COL4A2: variants seen among roughly 807,000 people sequenced by gnomAD.
The protein encoded by COL4A2 is collagen type IV alpha 2 chain, also known as collagen alpha-2(IV) chain.
A neutral mutation model predicts 200.2 loss-of-function variants in COL4A2; 99 were observed. The observed-to-expected ratio is 0.49, with a 90% confidence interval of 0.42 to 0.58. The LOEUF is 0.58. COL4A2 is among the 20% of genes least tolerant of loss of function. The pLI is 0.00. For missense variants in COL4A2, 1,950 were observed against 2,314.1 expected (o/e 0.84, Z 3.23); for synonymous variants, 897 against 900.6 (o/e 1.00, Z 0.07).
At chr13:110,448,255 G>A (rs141049791) in intron 18 of COL4A2, among the ~76,000 whole-genome samples, 45 of 152,258 alleles carry the variant, frequency 3.0e-4, no homozygotes, top group African/African-American at 9.9e-4. Flanking sequence ...TAATGCTGGC[G>A]ATGTTTCTTT....
chr13:110,485,604 G>A (rs1594102610), intron 33 of COL4A2, 51 bp from the exon 34 acceptor site: 1 of 1,448,504 alleles, frequency 6.9e-7, no homozygotes. Context: ...AAAACTGGAG[G>A]GCGGGTGCTG....
rs184581613 is a variant in COL4A2 at position 110,338,313 on chromosome 13, A to G, written c.100-19159A>G. ...CATTAGCTGGCAAAAAAGAGCAAAA[A>G]TGCAATGGAAAACAGTGAGGGAGAG... On this transcript the variant is annotated intron_variant, in intron 3 of 47. Transcript: ENST00000360467. Among the ~76,000 whole-genome samples, 238 of 152,220 alleles carry G rather than the reference A, an allele frequency of 1.6e-3. 3 individuals carry two copies. The Middle Eastern group carries it at 0.031, about 20-fold the overall frequency.
chr13:110,438,555 G>T (rs778704396), intron 14 of COL4A2, 63 bp from the exon 15 acceptor site: 12 of 1,591,428 alleles, frequency 7.5e-6, no homozygotes, highest in Non-Finnish European at 9.5e-6. Flanking sequence ...ATGACACGTG[G>T]GCCCTGTTGG....
intron 3 of COL4A2, among the ~76,000 whole-genome samples, chr13:110,328,701 A>G (rs552743334): frequency 6.6e-6 from 1 of 152,304 alleles, no homozygotes; most frequent in South Asian, 2.1e-4. Context: ...AAGGTGATCC[A>G]GGGGCCCAGA....
At chr13:110,336,727 C>T (rs895117194) in intron 3 of COL4A2, among the ~76,000 whole-genome samples, 42 of 152,156 alleles carry the variant, frequency 2.8e-4, no homozygotes, top group Admixed American at 2.4e-3. Flanking sequence ...GCTTCCTTCC[C>T]GAGGATGTTT....
chr13:110,409,199 A>G (rs1428954456), intron 4 of COL4A2, among the ~76,000 whole-genome samples: 2 of 152,192 alleles, frequency 1.3e-5, no homozygotes, highest in African/African-American at 2.4e-5. Context: ...ACATATACAC[A>G]TGCACACATA....
chr13:110,512,546 GGACAGACGA>G lies in COL4A2; in HGVS notation c.*360_*368del, dbSNP rs1884125400. 7.8e-6 allele frequency: 2 copies of G among 256,428 alleles called. No homozygotes were observed. Among genetic ancestry groups the G allele is most frequent in the South Asian group, 1.1e-4 (2 of 18,524 alleles). 15.9% of individuals were successfully genotyped at this position (256,428 alleles called of 1,614,324 possible). The stretch of plus-strand genomic sequence containing the variant: ...ATTGTTCAACTCCCTTCTCGGGGTG[GGACAGACGA>G]GACAACAGCACACAGGCAGCCAGCC... On this transcript the variant is annotated 3_prime_UTR_variant, in exon 48 of 48. Coordinates refer to ENST00000360467, the MANE Select transcript of COL4A2 (RefSeq NM_001846.4).
At chr13:110,320,595 A>G (rs1319800334) in intron 3 of COL4A2, among the ~76,000 whole-genome samples, 1 of 152,206 alleles carries the variant, frequency 6.6e-6, no homozygotes, top group Non-Finnish European at 1.5e-5. Flanking sequence ...ACCGATAGAT[A>G]TTTCAAATAA....
chr13:110,428,329 G>A (rs1880544080), intron 6 of COL4A2, 138 bp from the exon 7 acceptor site: 2 of 611,624 alleles, frequency 3.3e-6, no homozygotes, highest in East Asian at 6.2e-5. Context: ...TCATTCATTT[G>A]TTCACTTTTG....
intron 6 of COL4A2, among the ~76,000 whole-genome samples, chr13:110,426,602 A>G (rs769130684): frequency 1.3e-5 from 2 of 152,240 alleles, no homozygotes; most frequent in African/African-American, 4.8e-5. Flanking sequence ...GAGTGGTCTC[A>G]TATAGCAGTG....
intron 19 of COL4A2, 40 bp downstream of exon 19, chr13:110,449,829 C>T (rs371518953): frequency 2.5e-5 from 39 of 1,532,880 alleles, no homozygotes; most frequent in Non-Finnish European, 3.2e-5. Flanking sequence ...AGACCCAAAG[C>T]ACCTGCACTC....
chr13:110,396,590 T>G (rs186408663), intron 4 of COL4A2, among the ~76,000 whole-genome samples: 142 of 152,332 alleles, frequency 9.3e-4, no homozygotes, highest in Middle Eastern at 3.4e-3. Context: ...AGAACATGCC[T>G]TCTTGGCCCT....
chr13:110,342,391 A>T (rs1876497360), intron 3 of COL4A2, among the ~76,000 whole-genome samples: 1 of 152,192 alleles, frequency 6.6e-6, no homozygotes, highest in African/African-American at 2.4e-5. Flanking sequence ...TGTCTCCATA[A>T]AGAGCAATCT....
intron 4 of COL4A2, among the ~76,000 whole-genome samples, chr13:110,387,963 T>C (rs1878828171): frequency 6.6e-6 from 1 of 152,206 alleles, no homozygotes; most frequent in South Asian, 2.1e-4. Context: ...CTGCTCTTCT[T>C]ACCTGCAGTC....
intron 20 of COL4A2, among the ~76,000 whole-genome samples, chr13:110,455,323 A>G (rs1213570443): frequency 6.6e-6 from 1 of 152,112 alleles, no homozygotes; most frequent in African/African-American, 2.4e-5. Flanking sequence ...AGGGCCTTTT[A>G]GAAACCCTGT....
chr13:110,466,407 G>C (rs1882243724), intron 26 of COL4A2, among the ~76,000 whole-genome samples: 2 of 152,200 alleles, frequency 1.3e-5, no homozygotes, highest in African/African-American at 4.8e-5. Flanking sequence ...GTCAGGCCAA[G>C]ATGGGAGCCT....
intron 4 of COL4A2, among the ~76,000 whole-genome samples, chr13:110,422,525 G>A (rs931260616): frequency 3.3e-5 from 5 of 152,144 alleles, no homozygotes; most frequent in African/African-American, 9.7e-5. Context: ...TAGGCTGCCC[G>A]AGGTGAGTAC....
intron 38 of COL4A2, 41 bp from the exon 39 acceptor site, chr13:110,493,170 C>T (rs1436384128): frequency 6.2e-7 from 1 of 1,611,906 alleles, no homozygotes; most frequent in Non-Finnish European, 8.5e-7. Flanking sequence ...GAGTGACACC[C>T]CCGCAGGTGA....
intron 3 of COL4A2, among the ~76,000 whole-genome samples, chr13:110,340,265 C>T (rs961236118): frequency 2.6e-5 from 4 of 152,090 alleles, no homozygotes; most frequent in Non-Finnish European, 4.4e-5. Context: ...TATAGGTGCA[C>T]GCCACCACAC....
Sources: allele counts gnomAD v4.1 joint callset (sites outside exome capture counted in the v4.1 genomes callset), GRCh38; gene constraint gnomAD v4.1.1; transcripts MANE v1.5; gene names NCBI Gene and HGNC (gene_info 2026-07-23, HGNC 2026-07-21).